The following SDK1 variants were observed in gnomAD, a reference collection of about 807,000 sequenced individuals.
SDK1 encodes sidekick cell adhesion molecule 1, also known as protein sidekick-1.
In SDK1, 157 loss-of-function variants were observed where a neutral mutation model predicts 245.5. That is an observed-to-expected ratio of 0.64 (90% CI 0.56 to 0.73). The LOEUF (loss-of-function observed/expected upper bound fraction) is 0.73, where lower values mean the gene tolerates loss of function less well. SDK1 is among the 30% of genes least tolerant of loss of function. SDK1 has a pLI of 0.00. For missense variants in SDK1, 3,583 were observed against 3,002.3 expected (o/e 1.19, Z -4.52); for synonymous variants, 1,647 against 1,278.5 (o/e 1.29, Z -6.15).
rs1783970692 is a variant in SDK1 at position 3,678,226 on chromosome 7, T to C, written c.713+36121T>C. Among the ~76,000 whole-genome samples the C allele has an allele frequency of 2.0e-5, 3 of 152,182 alleles. No homozygotes were observed. In the South Asian group the frequency reaches 6.2e-4, roughly 32 times the overall value. ...GCCACCGTGGAAGACCGTTGGTTGC[T>C]CAGAAAGTTAAAAATACAATTAACA... On this transcript the variant is annotated intron_variant, in intron 4 of 44. Transcript: ENST00000404826.
At chr7:4,246,800 C>G (rs1008544509) in intron 44 of SDK1, among the ~76,000 whole-genome samples, 5 of 152,158 alleles carry the variant, frequency 3.3e-5, no homozygotes, top group South Asian at 2.1e-4. Context: ...GACCCCAGGG[C>G]CTACCCGCCT....
intron 1 of SDK1, among the ~76,000 whole-genome samples, chr7:3,321,834 T>TCCTCCTC (rs1562412863): frequency 7.2e-6 from 1 of 139,048 alleles, no homozygotes; most frequent in African/African-American, 2.8e-5. Flanking sequence ...CCTTCCTCCT[T>TCCTCCTC]TTCTCTCTCT....
intron 1 of SDK1, among the ~76,000 whole-genome samples, chr7:3,344,517 A>G (rs1583712938): frequency 6.6e-6 from 1 of 152,222 alleles, no homozygotes; most frequent in Admixed American, 6.5e-5. Context: ...ATGGAAGCTT[A>G]AAAGAAGAAT....
At chr7:3,477,374 T>C (rs538536957) in intron 1 of SDK1, among the ~76,000 whole-genome samples, 208 of 151,606 alleles carry the variant, frequency 1.4e-3, no homozygotes, top group African/African-American at 4.8e-3. Context: ...TTTTGTATTT[T>C]TAGTAGAGAT....
At chr7:4,137,452 G>A (rs1242220372) in intron 28 of SDK1, among the ~76,000 whole-genome samples, 7 of 152,170 alleles carry the variant, frequency 4.6e-5, no homozygotes, top group Admixed American at 2.0e-4. Flanking sequence ...CTTGTGTCTC[G>A]AGCAGTGGAC....
intron 1 of SDK1, among the ~76,000 whole-genome samples, chr7:3,571,363 C>T (rs1214538802): frequency 6.6e-6 from 1 of 151,910 alleles, no homozygotes; most frequent in African/African-American, 2.4e-5. Flanking sequence ...GGTGCAGTGG[C>T]ACAATCACAG....
At chr7:3,999,738 CTAA>C (rs1784935003) in intron 14 of SDK1, among the ~76,000 whole-genome samples, 2 of 152,298 alleles carry the variant, frequency 1.3e-5, no homozygotes, top group African/African-American at 2.4e-5. Flanking sequence ...CATTTTCTAA[CTAA>C]TAATGTATTT....
chr7:3,564,931 C>G (rs1779862735), intron 1 of SDK1, among the ~76,000 whole-genome samples: 1 of 151,882 alleles, frequency 6.6e-6, no homozygotes, highest in African/African-American at 2.4e-5. Context: ...TTATCTCAAG[C>G]AGTCACTGTT....
intron 5 of SDK1, among the ~76,000 whole-genome samples, chr7:3,825,837 C>T (rs920632673): frequency 4.9e-4 from 74 of 152,264 alleles, no homozygotes; most frequent in African/African-American, 1.6e-3. Context: ...GGGGAACAGG[C>T]AGATGCCTTC....
chr7:3,971,345 C>G, intron 11 of SDK1, 121 bp from the exon 12 acceptor site: 1 of 691,350 alleles, frequency 1.4e-6, no homozygotes, highest in Non-Finnish European at 2.6e-6. Flanking sequence ...TACACTCATT[C>G]TGCCAAGATG....
intron 4 of SDK1, among the ~76,000 whole-genome samples, chr7:3,688,958 C>G (rs1229328397): frequency 6.6e-6 from 1 of 152,220 alleles, no homozygotes; most frequent in Non-Finnish European, 1.5e-5. Flanking sequence ...GACAGGTCAG[C>G]AGACTACTGC....
At chr7:3,619,663 G>T (rs1781873614) in intron 2 of SDK1, among the ~76,000 whole-genome samples, 3 of 152,196 alleles carry the variant, frequency 2.0e-5, no homozygotes, top group African/African-American at 7.2e-5. Flanking sequence ...TTTCCTAGCT[G>T]TTTTCAAGTG....
At chr7:4,220,418 G>A in intron 39 of SDK1, 148 bp downstream of exon 39, 1 of 780,966 alleles carries the variant, frequency 1.3e-6, no homozygotes, top group Non-Finnish European at 2.0e-6. Context: ...TGGGCAACAT[G>A]GACGTCTTCA....
intron 18 of SDK1, among the ~76,000 whole-genome samples, chr7:4,050,420 C>G (rs7801112): frequency 0.37 from 56,618 of 152,128 alleles, 13,814 homozygotes; most frequent in African/African-American, 0.7. Flanking sequence ...TTGCCTTCTT[C>G]CCTCTCCTGT....
chr7:3,812,738 C>T (rs889703317), intron 4 of SDK1, among the ~76,000 whole-genome samples: 4 of 152,126 alleles, frequency 2.6e-5, no homozygotes, highest in African/African-American at 9.7e-5. Context: ...TTACCCTTTC[C>T]TGAAGAATCA....
chr7:4,016,255 G>A (rs1786393901), intron 16 of SDK1, among the ~76,000 whole-genome samples: 1 of 152,270 alleles, frequency 6.6e-6, no homozygotes, highest in Non-Finnish European at 1.5e-5. Flanking sequence ...CCACTCAAGT[G>A]TGGGACTGTG....
Position 4,130,012 on chromosome 7 carries a change from C to G in SDK1, c.4044C>G (p.Leu1348=), listed in dbSNP as rs769786262. Residue 1348 remains leucine, a synonymous_variant, in exon 27 of 45, where the codon CTC becomes CTG. Coordinates refer to ENST00000404826, the MANE Select transcript of SDK1 (RefSeq NM_152744.4). ...ALLAGLRKFV[L]YELQVLAFTR... The stretch of plus-strand genomic sequence containing the variant: ...TGGCAGGCCTGCGCAAGTTCGTGCT[C>G]TACGAGCTCCAGGTGCTGGCGTTCA... 2.2e-5 allele frequency: 36 copies of G among 1,613,522 alleles called. No homozygotes were observed. The highest frequency in any genetic ancestry group is 3.0e-5 in the Non-Finnish European group (35 of 1,179,944).
intron 5 of SDK1, among the ~76,000 whole-genome samples, chr7:3,825,011 C>G (rs573379269): frequency 3.3e-5 from 5 of 152,240 alleles, no homozygotes; most frequent in Admixed American, 6.5e-5. Flanking sequence ...GCTGCCATCC[C>G]AGGGGTGGAT....
intron 5 of SDK1, among the ~76,000 whole-genome samples, chr7:3,934,666 C>G (rs1007764091): frequency 4.6e-5 from 7 of 152,360 alleles, no homozygotes; most frequent in African/African-American, 1.7e-4. Context: ...CACGTGCCTT[C>G]CAGGAATTTG....
Sources: gnomAD v4.1 joint callset for allele counts (sites outside exome capture counted in the v4.1 genomes callset) on GRCh38, gnomAD v4.1.1 for gene constraint, MANE v1.5 for transcripts, NCBI Gene and HGNC (gene_info 2026-07-23, HGNC 2026-07-21) for gene names.